The following ZBTB20 variants were observed in gnomAD, a reference collection of about 807,000 sequenced individuals.
ZBTB20 encodes zinc finger and BTB domain containing 20.
Under a neutral mutation model 56.9 loss-of-function variants are expected in ZBTB20, and 9 were observed. The observed-to-expected ratio is 0.16, with a 90% confidence interval of 0.10 to 0.28. ZBTB20 has a LOEUF of 0.28. ZBTB20 is among the 10% of genes least tolerant of loss of function. The pLI, the probability that ZBTB20 is intolerant of heterozygous loss-of-function variation, is 1.00. For missense variants in ZBTB20, 655 were observed against 1,003.0 expected, an observed-to-expected ratio of 0.65 and a Z score of 4.69; for synonymous variants, 417 against 420.7, an observed-to-expected ratio of 0.99 and a Z score of 0.11.
chr3:114,449,952 C>T (rs2091500011), intron 7 of ZBTB20, among the ~76,000 whole-genome samples: 3 of 152,018 alleles, frequency 2.0e-5, no homozygotes, highest in Admixed American at 2.0e-4. Context: ...TCTTAATTTA[C>T]GCTGCTCGTA....
intron 5 of ZBTB20, among the ~76,000 whole-genome samples, chr3:114,767,227 C>T (rs1055207224): frequency 4.6e-5 from 7 of 151,916 alleles, no homozygotes; most frequent in Admixed American, 1.3e-4. Flanking sequence ...ATGTTAAAAA[C>T]GAAGATAAGG....
rs143113901 is a variant in ZBTB20 at position 115,033,810 on chromosome 3, G to T, written c.-507+37409C>A. ...AAAAACACAATAAATAAAAACAACAGACCAATATCTCTTATGAGCATTGAC... is the reference window on the plus strand; with the variant it reads ...AAAAACACAATAAATAAAAACAACATACCAATATCTCTTATGAGCATTGAC... On this transcript the variant is annotated intron_variant, in intron 2 of 11. Transcript: ENST00000675478. Among the ~76,000 whole-genome samples the T allele has an allele frequency of 4.3e-3, 652 of 151,702 alleles. 6 individuals carry two copies. Among genetic ancestry groups the T allele is most frequent in the African/African-American group, 0.015 (610 of 41,456 alleles).
At chr3:114,661,719 C>A (rs2060734073) in intron 6 of ZBTB20, among the ~76,000 whole-genome samples, 1 of 152,056 alleles carries the variant, frequency 6.6e-6, no homozygotes, top group Admixed American at 6.6e-5. Context: ...GAAACCATTT[C>A]ATGAGTTTGT....
intron 1 of ZBTB20, among the ~76,000 whole-genome samples, chr3:115,086,288 T>G (rs1442676858): frequency 1.3e-5 from 2 of 151,894 alleles, no homozygotes; most frequent in Admixed American, 6.6e-5. Context: ...AAAACTACTT[T>G]TTTGGAGGTG....
chr3:114,555,655 G>A (rs932559155), intron 6 of ZBTB20, among the ~76,000 whole-genome samples: 1 of 152,096 alleles, frequency 6.6e-6, no homozygotes, highest in African/African-American at 2.4e-5. Flanking sequence ...ACAACTGTCA[G>A]TGCCCCTGTG....
At chr3:114,758,713 C>A (rs1238231149) in intron 5 of ZBTB20, among the ~76,000 whole-genome samples, 2 of 152,128 alleles carry the variant, frequency 1.3e-5, no homozygotes, top group African/African-American at 4.8e-5. Context: ...CTCTCATTCT[C>A]ACGTCTCTAA....
intron 7 of ZBTB20, among the ~76,000 whole-genome samples, chr3:114,430,431 G>A (rs192231592): frequency 6.6e-6 from 1 of 152,308 alleles, no homozygotes; most frequent in Non-Finnish European, 1.5e-5. Context: ...CTATAAGCCT[G>A]CTAAGGGAGA....
intron 7 of ZBTB20, among the ~76,000 whole-genome samples, chr3:114,487,507 AAG>A (rs985769494): frequency 2.0e-4 from 30 of 152,132 alleles, no homozygotes; most frequent in African/African-American, 6.3e-4. Context: ...TTTTCTGCCA[AAG>A]AGGGGGAAAA....
chr3:115,127,621 T>C (rs2084371046), intron 1 of ZBTB20, among the ~76,000 whole-genome samples: 1 of 151,936 alleles, frequency 6.6e-6, no homozygotes, highest in Non-Finnish European at 1.5e-5. Context: ...AATAAATAAA[T>C]TTTAAAAAGG....
At chr3:115,120,484 C>T (rs1032475096) in intron 1 of ZBTB20, among the ~76,000 whole-genome samples, 2 of 151,878 alleles carry the variant, frequency 1.3e-5, no homozygotes, top group African/African-American at 4.8e-5. Context: ...TTTTTTGAGT[C>T]AATAGGAGTT....
rs1194030861 is a variant in ZBTB20 at position 114,317,674 on chromosome 3, C to T, written c.*21331G>A. The T allele has an allele frequency of 6.6e-6, 1 of 152,098 alleles. No individual in the cohort carries two copies. Among genetic ancestry groups the T allele is most frequent in the African/African-American group, 2.4e-5 (1 of 41,392 alleles). The allele number at this position is 152,098 out of a possible 1,614,324, so 9.4% of individuals were successfully genotyped here. ...CCAAATCTTCCACTAACACATCAACCTCCCCTATCACTTTTTAAAAAAATT... is the reference window on the plus strand; with the variant it reads ...CCAAATCTTCCACTAACACATCAACTTCCCCTATCACTTTTTAAAAAAATT... On this transcript the variant is annotated 3_prime_UTR_variant, in exon 12 of 12. Transcript: ENST00000675478.
chr3:114,898,632 A>G (rs1437457613), intron 4 of ZBTB20, among the ~76,000 whole-genome samples: 1 of 152,140 alleles, frequency 6.6e-6, no homozygotes, highest in Non-Finnish European at 1.5e-5. Context: ...CTGATCAACT[A>G]CTATGTACAA....
At chr3:114,844,520 CAAAAAA>C (rs71146342) in intron 4 of ZBTB20, among the ~76,000 whole-genome samples, 7 of 22,810 alleles carry the variant, frequency 3.1e-4, no homozygotes, top group Non-Finnish European at 2.6e-4. Context: ...GTCCCTGTCT[CAAAAAA>C]AAAAAAAAAA....
At chr3:114,778,889 AAAGT>A in intron 5 of ZBTB20, among the ~76,000 whole-genome samples, 1 of 152,358 alleles carries the variant, frequency 6.6e-6, no homozygotes, top group East Asian at 1.9e-4. Flanking sequence ...AAAATTAAAA[AAAGT>A]AACTGATGAT....
chr3:114,821,533 T>C (rs1403873081), intron 4 of ZBTB20, among the ~76,000 whole-genome samples: 1 of 152,094 alleles, frequency 6.6e-6, no homozygotes, highest in African/African-American at 2.4e-5. Flanking sequence ...CCAAAATAAG[T>C]GCATGGAGTC....
chr3:114,744,873 T>C (rs1241241683), intron 5 of ZBTB20, among the ~76,000 whole-genome samples: 1 of 151,804 alleles, frequency 6.6e-6, no homozygotes, highest in Non-Finnish European at 1.5e-5. Context: ...AGTGCAATGG[T>C]GAATGTGTGC....
chr3:114,844,114 G>A (rs1010116922), intron 4 of ZBTB20, among the ~76,000 whole-genome samples: 8 of 151,604 alleles, frequency 5.3e-5, no homozygotes, highest in African/African-American at 1.9e-4. Context: ...CTATACAGTG[G>A]AATACTATGC....
chr3:114,457,976 A>C (rs60950103), intron 7 of ZBTB20, among the ~76,000 whole-genome samples: 8,369 of 152,314 alleles, frequency 0.055, 615 homozygotes, highest in African/African-American at 0.17. Context: ...AATCTGTGCA[A>C]AACCACTTGA....
intron 6 of ZBTB20, among the ~76,000 whole-genome samples, chr3:114,535,815 C>T (rs1220582163): frequency 6.6e-6 from 1 of 152,180 alleles, no homozygotes; most frequent in African/African-American, 2.4e-5. Flanking sequence ...GGCTTCATCC[C>T]TGGGACTCAA....
Sources: allele counts gnomAD v4.1 joint callset (sites outside exome capture counted in the v4.1 genomes callset), GRCh38; gene constraint gnomAD v4.1.1; transcripts MANE v1.5; gene names NCBI Gene and HGNC (gene_info 2026-07-23, HGNC 2026-07-21).